SLC12A7: variants seen among roughly 807,000 people sequenced by gnomAD.
SLC12A7 encodes K-Cl cotransporter 4.
SLC12A7 carries 100 observed loss-of-function variants against 120.6 expected under a neutral mutation model. That is an observed-to-expected ratio of 0.83 (90% CI 0.71 to 0.98). The LOEUF is 0.98. Ranked by LOEUF, SLC12A7 falls within the 50% of genes least tolerant of loss-of-function variation. The pLI is 0.00. For synonymous variants in SLC12A7, 760 were observed against 678.0 expected (o/e 1.12, Z -1.88); for missense variants, 1,373 against 1,548.1 (o/e 0.89, Z 1.90).
intron 22 of SLC12A7, among the ~76,000 whole-genome samples, chr5:1,054,665 C>A (rs1335812296): frequency 6.6e-6 from 1 of 152,220 alleles, no homozygotes; most frequent in Non-Finnish European, 1.5e-5. Context: ...GGGGCGGCGG[C>A]GGACAGACAG....
rs1270298379 is a variant in SLC12A7 at position 1,096,818 on chromosome 5, AAGGGAG to A, written c.125-2576_125-2571del. ...GAAGGAGGGAGGGAAGGAAGGAGGG[AAGGGAG>A]GGAAGGAAGGAGGGAGGGAGGGAAG... On this transcript the variant is annotated intron_variant, in intron 1 of 23. Coordinates refer to ENST00000264930, the MANE Select transcript of SLC12A7 (RefSeq NM_006598.3). 1.3e-3 allele frequency among the ~76,000 whole-genome samples: 50 copies of A among 37,340 alleles called. 5 individuals are homozygous for A. The highest frequency in any genetic ancestry group is 3.4e-3 in the Admixed American group (8 of 2,384). 24.5% of individuals were successfully genotyped at this position (37,340 alleles called of 152,430 possible).
chr5:1,079,267 G>C (rs372135047), intron 10 of SLC12A7, 131 bp downstream of exon 10: 2 of 697,340 alleles, frequency 2.9e-6, no homozygotes, highest in Non-Finnish European at 5.0e-6. Context: ...GGAGGATGAC[G>C]TGGTGAGAGC....
At chr5:1,085,600 C>A in intron 6 of SLC12A7, 127 bp from the exon 7 acceptor site, 1 of 1,318,530 alleles carries the variant, frequency 7.6e-7, no homozygotes, top group Non-Finnish European at 1.0e-6. Context: ...CGGGACGCAT[C>A]CGTGCTGGAC....
chr5:1,129,476 C>T, the SLC12A7 span, among the ~76,000 whole-genome samples: 1 of 152,126 alleles, frequency 6.6e-6, no homozygotes. Context: ...CAGAACCAGG[C>T]GCCCTCCCCT....
intron 14 of SLC12A7, 52 bp from the exon 15 acceptor site, chr5:1,075,542 A>G (rs1274479578): frequency 6.4e-7 from 1 of 1,572,858 alleles, no homozygotes; most frequent in Admixed American, 1.8e-5. Context: ...CAGCCCCCAC[A>G]CCTCAGCCAC....
intron 20 of SLC12A7, among the ~76,000 whole-genome samples, chr5:1,062,350 C>T (rs1301768087): frequency 1.3e-5 from 2 of 152,214 alleles, no homozygotes; most frequent in African/African-American, 2.4e-5. Context: ...CCAATAATAA[C>T]CCCTACAACC....
intron 22 of SLC12A7, among the ~76,000 whole-genome samples, chr5:1,054,946 A>T (rs184023330): frequency 6.6e-6 from 1 of 152,222 alleles, no homozygotes; most frequent in Non-Finnish European, 1.5e-5. Flanking sequence ...GTTTGGGGAC[A>T]AAGAGCAGCT....
the SLC12A7 span, among the ~76,000 whole-genome samples, chr5:1,132,166 T>C: frequency 6.6e-6 from 1 of 152,198 alleles, no homozygotes; most frequent in Non-Finnish European, 1.5e-5. Flanking sequence ...TCCTCACTGC[T>C]CATTACACGC....
chr5:1,086,623 G>A (rs77314253), intron 6 of SLC12A7, among the ~76,000 whole-genome samples: 5,471 of 152,330 alleles, frequency 0.036, 157 homozygotes, highest in South Asian at 0.12. Flanking sequence ...CTGCACCTAC[G>A]CGGGGCTCAG....
chr5:1,122,459 T>A, the SLC12A7 span, among the ~76,000 whole-genome samples: 1 of 152,240 alleles, frequency 6.6e-6, no homozygotes, highest in East Asian at 1.9e-4. Flanking sequence ...TTTTCCTTTT[T>A]CTAAAAAAAT....
At chr5:1,128,239 A>G in the SLC12A7 span, among the ~76,000 whole-genome samples, 2 of 152,124 alleles carry the variant, frequency 1.3e-5, no homozygotes, top group Admixed American at 1.3e-4. Flanking sequence ...CTCCTGTGGG[A>G]CCAGGGTTGC....
At chr5:1,096,915 A>G (rs1236921971) in intron 1 of SLC12A7, among the ~76,000 whole-genome samples, 2 of 146,234 alleles carry the variant, frequency 1.4e-5, no homozygotes, top group Non-Finnish European at 3.0e-5. Flanking sequence ...GAAGGGAGGG[A>G]AGGAAGGAGG....
intron 10 of SLC12A7, among the ~76,000 whole-genome samples, chr5:1,079,001 C>T (rs999563459): frequency 2.6e-5 from 4 of 152,170 alleles, no homozygotes; most frequent in African/African-American, 9.7e-5. Flanking sequence ...GGTGGACACA[C>T]ACCTGGCCTG....
chr5:1,108,626 C>A (rs1579446242), intron 1 of SLC12A7, among the ~76,000 whole-genome samples: 1 of 152,192 alleles, frequency 6.6e-6, no homozygotes, highest in Non-Finnish European at 1.5e-5. Flanking sequence ...TGTGTGTGGT[C>A]CCCCTATCTA....
chr5:1,118,838 T>C, the SLC12A7 span, among the ~76,000 whole-genome samples: 3 of 152,184 alleles, frequency 2.0e-5, no homozygotes, highest in African/African-American at 7.2e-5. Context: ...TGGTGGCTTC[T>C]TCCAAGGCTG....
chr5:1,151,194 G>A, the SLC12A7 span, among the ~76,000 whole-genome samples: 7 of 152,234 alleles, frequency 4.6e-5, no homozygotes, highest in African/African-American at 9.6e-5. The surrounding 1 kb of genome is among the most constrained non-coding windows in gnomAD (Gnocchi z 6.2). Context: ...TACCATGAGC[G>A]TTGCTTCCCA....
Position 1,063,970 on chromosome 5 carries a change from C to T in SLC12A7, c.2613G>A (p.Trp871Ter), listed in dbSNP as rs1363538703. The change falls in exon 20 of 24, where the codon TGG becomes TGA. Residue 871 changes from tryptophan to a stop codon, truncating the protein, a stop_gained. Transcript: ENST00000264930. LOFTEE classifies it high-confidence loss of function. ...TGAAGATACGCATCCGGCACTTCCTCCACACCTGCAGACAGGGAGGGCATG... is the reference window on the plus strand; with the variant it reads ...TGAAGATACGCATCCGGCACTTCCTTCACACCTGCAGACAGGGAGGGCATG... ...LPFLLRQHKVWRKCRMRIFTV... is the reference protein window; with the variant it reads ...LPFLLRQHKV The T allele has an allele frequency of 6.2e-7, 1 of 1,612,340 alleles. No individual in the cohort carries two copies. The highest frequency in any genetic ancestry group is 8.5e-7 in the Non-Finnish European group (1 of 1,179,670).
At chr5:1,124,482 G>A in the SLC12A7 span, among the ~76,000 whole-genome samples, 1 of 152,184 alleles carries the variant, frequency 6.6e-6, no homozygotes, top group African/African-American at 2.4e-5. Flanking sequence ...CAAAAATGAA[G>A]GCAAAATCAA....
At chr5:1,082,800 A>G (rs78738764) in intron 8 of SLC12A7, among the ~76,000 whole-genome samples, 13,143 of 60,320 alleles carry the variant, frequency 0.22, 2,529 homozygotes, top group Non-Finnish European at 0.3. Context: ...TTCCCGTCTC[A>G]GGTTCTGGAA....
Sources: allele counts gnomAD v4.1 joint callset (sites outside exome capture counted in the v4.1 genomes callset), GRCh38; gene constraint gnomAD v4.1.1; non-coding constraint Gnocchi (gnomAD v3.1); transcripts MANE v1.5; gene names NCBI Gene and HGNC (gene_info 2026-07-23, HGNC 2026-07-21).